Variants in PHTF2 observed in about 807,000 individuals in gnomAD.
PHTF2 encodes protein PHTF2.
A neutral mutation model predicts 101.2 loss-of-function variants in PHTF2; 60 were observed. The ratio of observed to expected loss-of-function variants is 0.59; its 90% CI spans 0.48 to 0.73. The LOEUF (loss-of-function observed/expected upper bound fraction) is 0.73, where lower values mean the gene tolerates loss of function less well. Among genes scored for constraint, PHTF2 ranks in the 30% least tolerant of loss-of-function variants. PHTF2 has a pLI of 0.00. For missense variants in PHTF2, 747 were observed against 908.7 expected (o/e 0.82, Z 2.29); for synonymous variants, 311 against 307.3 (o/e 1.01, Z -0.13).
chr7:77,925,495 G>GTTTTTTTTTTTTTTTTTTTTTTTT lies in PHTF2; in HGVS notation c.1119+2725_1119+2748dup, dbSNP rs58290945. 2.1e-4 allele frequency among the ~76,000 whole-genome samples: 15 copies of GTTTTTTTTTTTTTTTTTTTTTTTT among 73,166 alleles called. 2 individuals carry two copies. The highest frequency in any genetic ancestry group is 6.9e-4 in the African/African-American group (12 of 17,300). The allele number at this position is 73,166 out of a possible 152,430, so 48.0% of individuals were successfully genotyped here. A position where few individuals can be genotyped will look rare whatever the true frequency, so the allele number is the denominator to read the frequency against. On this transcript the variant is annotated intron_variant, in intron 11 of 19. Coordinates refer to ENST00000416283, the Ensembl canonical transcript of PHTF2. ...GCAATTATAGGCAATAGTTTTTAGG[G>GTTTTTTTTTTTTTTTTTTTTTTTT]TTTTTTTTTTTTTTTTTTTTTTTTT...
intron 3 of PHTF2, among the ~76,000 whole-genome samples, chr7:77,858,199 T>C (rs773685263): frequency 1.7e-4 from 26 of 152,212 alleles, no homozygotes; most frequent in Non-Finnish European, 3.5e-4. Context: ...TTAGTTGCTG[T>C]AACATTTGCC....
chr7:77,847,964 G>C (rs1031376072), intron 2 of PHTF2, among the ~76,000 whole-genome samples: 8 of 152,108 alleles, frequency 5.3e-5, no homozygotes, highest in African/African-American at 1.7e-4. Flanking sequence ...TGTGAAGTTT[G>C]TCTCTCTGTG....
At chr7:77,933,714 T>G (rs1285772346) in intron 12 of PHTF2, among the ~76,000 whole-genome samples, 2 of 150,298 alleles carry the variant, frequency 1.3e-5, no homozygotes, top group East Asian at 1.9e-4. Context: ...ACCATGTGTT[T>G]TTTTTTTTTT....
chr7:77,920,241 C>T, intron 9 of PHTF2, 38 bp from the exon 9 acceptor site: 2 of 1,145,510 alleles, frequency 1.7e-6, no homozygotes, highest in East Asian at 2.5e-5. Context: ...CCAAAATAAG[C>T]TAAGTCCAAA....
At chr7:77,851,817 C>T (rs1262862608) in intron 2 of PHTF2, among the ~76,000 whole-genome samples, 1 of 152,020 alleles carries the variant, frequency 6.6e-6, no homozygotes, top group Non-Finnish European at 1.5e-5. Flanking sequence ...AGTTTTTCAA[C>T]TTTTTTGATA....
chr7:77,903,766 G>C (rs942783119), intron 7 of PHTF2, among the ~76,000 whole-genome samples: 2 of 152,180 alleles, frequency 1.3e-5, no homozygotes, highest in Admixed American at 6.5e-5. Flanking sequence ...TCGGCAGGCT[G>C]CCATTACCTT....
chr7:77,876,645 C>CT (rs1444815059), intron 3 of PHTF2, among the ~76,000 whole-genome samples: 4 of 152,124 alleles, frequency 2.6e-5, no homozygotes, highest in Admixed American at 2.0e-4. Flanking sequence ...GTAATCGCAG[C>CT]ACTTTGGGAG....
chr7:77,954,637 T>TAG lies in PHTF2; in HGVS notation c.2338-220_2338-219insGA, dbSNP rs1554397989. ...GTATATATATATATATATATATATATATATATATAGCCACTTCTCAAGAGA... is the reference window on the plus strand; with the variant it reads ...GTATATATATATATATATATATATATAGATATATATAGCCACTTCTCAAGAGA... On this transcript the variant is annotated intron_variant, in intron 19 of 19. Coordinates refer to ENST00000416283, the Ensembl canonical transcript of PHTF2. 1.8e-4 allele frequency among the ~76,000 whole-genome samples: 26 copies of TAG among 144,596 alleles called. 1 individual carries two copies. In the South Asian group the frequency reaches 3.2e-3, roughly 18 times the overall value. 94.9% of individuals were successfully genotyped at this position (144,596 alleles called of 152,430 possible).
intron 13 of PHTF2, among the ~76,000 whole-genome samples, chr7:77,939,081 T>G (rs1805409297): frequency 6.6e-6 from 1 of 152,206 alleles, no homozygotes; most frequent in Non-Finnish European, 1.5e-5. Flanking sequence ...GTCTCATTTA[T>G]CTAATATATA....
intron 9 of PHTF2, among the ~76,000 whole-genome samples, chr7:77,915,707 C>T (rs1802848505): frequency 6.6e-6 from 1 of 152,182 alleles, no homozygotes; most frequent in Non-Finnish European, 1.5e-5. Context: ...GAGTTCTTTT[C>T]AACCGCTCCA....
At chr7:77,932,270 G>C (rs893706966) in intron 12 of PHTF2, among the ~76,000 whole-genome samples, 3 of 152,090 alleles carry the variant, frequency 2.0e-5, no homozygotes, top group Admixed American at 6.5e-5. Context: ...AAGAGATACG[G>C]AAGAAAATGT....
chr7:77,847,330 T>G (rs1176482572), intron 2 of PHTF2, among the ~76,000 whole-genome samples: 1 of 152,218 alleles, frequency 6.6e-6, no homozygotes, highest in African/African-American at 2.4e-5. Flanking sequence ...TTATGTCCTT[T>G]TCTTGAATGT....
chr7:77,872,476 C>T (rs1482869995), intron 3 of PHTF2, among the ~76,000 whole-genome samples: 1 of 152,226 alleles, frequency 6.6e-6, no homozygotes, highest in Non-Finnish European at 1.5e-5. Context: ...CAGAGCTCTA[C>T]ATGAGTCAGA....
chr7:77,880,055 A>G (rs10230890), intron 3 of PHTF2, among the ~76,000 whole-genome samples: 4,033 of 152,304 alleles, frequency 0.026, 179 homozygotes, highest in African/African-American at 0.091. Flanking sequence ...AGAATCACAC[A>G]GTTGCTCTAC....
chr7:77,835,002 G>T (rs568299736), intron 1 of PHTF2, among the ~76,000 whole-genome samples: 32 of 152,310 alleles, frequency 2.1e-4, no homozygotes, highest in African/African-American at 7.5e-4. Context: ...GCCGGGTGCG[G>T]TGGCTCATGC....
At chr7:77,831,090 A>G (rs763691824) in intron 1 of PHTF2, among the ~76,000 whole-genome samples, 1 of 152,370 alleles carries the variant, frequency 6.6e-6, no homozygotes, top group African/African-American at 2.4e-5. Flanking sequence ...GTTCATTGCA[A>G]CAGGTGATTC....
At chr7:77,889,659 C>T (rs968172133) in intron 3 of PHTF2, among the ~76,000 whole-genome samples, 3 of 135,364 alleles carry the variant, frequency 2.2e-5, no homozygotes, top group African/African-American at 8.5e-5. Context: ...GGTGTGATCT[C>T]GGCTCACTGC....
At chr7:77,885,267 A>AT (rs1236096809) in intron 3 of PHTF2, among the ~76,000 whole-genome samples, 2 of 151,648 alleles carry the variant, frequency 1.3e-5, no homozygotes, top group Non-Finnish European at 2.9e-5. Flanking sequence ...CTGATTTTTA[A>AT]TTTTTTTAAA....
chr7:77,851,251 G>A (rs1796736967), intron 2 of PHTF2, among the ~76,000 whole-genome samples: 1 of 152,120 alleles, frequency 6.6e-6, no homozygotes, highest in Admixed American at 6.5e-5. Context: ...TTTCTTTGCT[G>A]GGGGACTTTT....
Sources: gnomAD v4.1 joint callset for allele counts (sites outside exome capture counted in the v4.1 genomes callset) on GRCh38, gnomAD v4.1.1 for gene constraint, MANE v1.5 for transcripts, NCBI Gene and HGNC (gene_info 2026-07-23, HGNC 2026-07-21) for gene names.